The following MTO1 variants were observed in gnomAD, a reference collection of about 807,000 sequenced individuals.
MTO1 encodes 5-taurinomethyluridine-[tRNA] synthase subunit MTO1, mitochondrial.
A neutral mutation model predicts 71.6 loss-of-function variants in MTO1; 46 were observed. That is an observed-to-expected ratio of 0.64 (90% CI 0.51 to 0.82). The LOEUF (loss-of-function observed/expected upper bound fraction) is 0.82. Ranked by LOEUF, MTO1 falls within the 40% of genes least tolerant of loss-of-function variation. The pLI is 0.00. For missense variants in MTO1, 773 were observed against 867.5 expected, an observed-to-expected ratio of 0.89 and a Z score of 1.37; for synonymous variants, 297 against 312.1, an observed-to-expected ratio of 0.95 and a Z score of 0.51.
rs144540811 is a variant in MTO1 at position 73,492,254 on chromosome 6, A to G, written c.1658A>G (p.Tyr553Cys). ...TGCAGAGCTCTCGATGTTCTGAAGT[A>G]TGAGGAAGTTGACATGGATTCATTA... ...LPVRALDVLK[Y>C]EEVDMDSLAK... The change falls in exon 10 of 12, where the codon TAT (tyrosine) becomes TGT (cysteine). Residue 553 changes from tyrosine (Y) to cysteine (C), a missense_variant. Coordinates refer to ENST00000498286, the MANE Select transcript of MTO1 (RefSeq NM_012123.4). 2.6e-5 allele frequency: 42 copies of G among 1,612,884 alleles called. No individual in the cohort carries two copies. Among genetic ancestry groups the G allele is most frequent in the Non-Finnish European group, 3.5e-5 (41 of 1,179,004 alleles).
chr6:73,466,191 T>C lies in MTO1; in HGVS notation c.218-18T>C, dbSNP rs749204669. Reference sequence around the variant, plus strand: ...AAGGTGCTCATATATTTATTTTGTTTATGTCTATTATCTTTAGGTCAGATG... The same window carrying C: ...AAGGTGCTCATATATTTATTTTGTTCATGTCTATTATCTTTAGGTCAGATG... On this transcript the variant is annotated intron_variant, in intron 1 of 11. Transcript: ENST00000498286. The C allele has an allele frequency of 1.9e-6, 3 of 1,592,628 alleles. No individual in the cohort carries two copies. The highest frequency in any genetic ancestry group is 1.7e-6 in the Non-Finnish European group (2 of 1,160,530).
chr6:73,498,221 GA>G (rs1011872375), intron 11 of MTO1, among the ~76,000 whole-genome samples: 1 of 151,472 alleles, frequency 6.6e-6, no homozygotes, highest in Non-Finnish European at 1.5e-5. Flanking sequence ...AAAAAAAAAA[GA>G]AACTTGACCT....
In MTO1 at chr6:73,500,782, C is replaced by G. The variant is rs775556192; in HGVS notation, c.*47C>G. ...TTAAAGAGCATATAAATAATTTGAT[C>G]AATACAACAGTATAGATAAAAGAAT... On this transcript the variant is annotated 3_prime_UTR_variant, in exon 12 of 12. Transcript: ENST00000498286. 1 of 1,445,240 alleles carries G rather than the reference C, an allele frequency of 6.9e-7. No individual in the cohort carries two copies. Among genetic ancestry groups the G allele is most frequent in the African/African-American group, 1.4e-5 (1 of 69,986 alleles). 89.5% of individuals were successfully genotyped at this position (1,445,240 alleles called of 1,614,324 possible). A position where few individuals can be genotyped will look rare whatever the true frequency, so the allele number is the denominator to read the frequency against.
chr6:73,487,562 T>G (rs1487078069), intron 9 of MTO1: 1 of 151,112 alleles, frequency 6.6e-6, no homozygotes, highest in Non-Finnish European at 1.5e-5. Flanking sequence ...GTGGGTTTTT[T>G]TTTTTTTTTT....
chr6:73,468,473 CCTT>C (rs1771061950), intron 3 of MTO1, among the ~76,000 whole-genome samples: 1 of 151,986 alleles, frequency 6.6e-6, no homozygotes, highest in South Asian at 2.1e-4. Flanking sequence ...TTCCCTCTCT[CCTT>C]CTGATATAAT....
intron 3 of MTO1, among the ~76,000 whole-genome samples, chr6:73,466,955 T>TA (rs1390091748): frequency 4.0e-4 from 61 of 152,302 alleles, no homozygotes; most frequent in African/African-American, 1.3e-3. Context: ...CTTATATATA[T>TA]TTTTATGTAA....
In MTO1 at chr6:73,501,547, G is replaced by GA. The variant is rs1197629620; in HGVS notation, c.*818dup. On this transcript the variant is annotated 3_prime_UTR_variant, in exon 12 of 12. Transcript: ENST00000498286. Reference sequence around the variant, plus strand: ...TCCCTGTTTTTAAGTCAGAATGACAGAAAAAACAGAATAGTGGTAGTACCC... The same window carrying GA: ...TCCCTGTTTTTAAGTCAGAATGACAGAAAAAAACAGAATAGTGGTAGTACCC... 9 of 152,284 alleles carry GA rather than the reference G, an allele frequency of 5.9e-5. No individual in the cohort carries two copies. The highest frequency in any genetic ancestry group is 9.6e-5 in the African/African-American group (4 of 41,546). 9.4% of individuals were successfully genotyped at this position (152,284 alleles called of 1,614,324 possible). A position where few individuals can be genotyped will look rare whatever the true frequency, so the allele number is the denominator to read the frequency against.
In MTO1 at chr6:73,497,738, A is replaced by G. The variant is rs1041946649; in HGVS notation, c.1759A>G (p.Thr587Ala). ...ATGATTCTGATTTTGTTGACCAGCC[A>G]CTTATGAATCAGTGTTGTTCCATCA... Reference protein sequence around the residue: ...ELAERLKIEATYESVLFHQLQ... With the variant: ...ELAERLKIEAAYESVLFHQLQ... Residue 587 changes from threonine (T) to alanine (A), a missense_variant and splice_region_variant, in exon 11 of 12, where the codon ACT becomes GCT. By Grantham distance (58) the Thr-to-Ala change is moderately conservative (BLOSUM62 0). Transcript: ENST00000498286. 3.1e-6 allele frequency: 5 copies of G among 1,610,088 alleles called. No individual in the cohort carries two copies. Among genetic ancestry groups the G allele is most frequent in the Non-Finnish European group, 4.2e-6 (5 of 1,176,924 alleles).
rs564480560 is a variant in MTO1 at position 73,508,054 on chromosome 6, C to T, written c.*7319C>T. 1 of 151,958 alleles carries T rather than the reference C, an allele frequency of 6.6e-6. No homozygotes were observed. Among genetic ancestry groups the T allele is most frequent in the South Asian group, 2.1e-4 (1 of 4,818 alleles). 9.4% of individuals were successfully genotyped at this position (151,958 alleles called of 1,614,324 possible). On this transcript the variant is annotated 3_prime_UTR_variant, in exon 12 of 12. Transcript: ENST00000498286. Reference sequence around the variant, plus strand: ...GTCTGTTTCTCTTAACCTTCAGTTCCCATTCCAATCCTTTGTAACCTATTT... The same window carrying T: ...GTCTGTTTCTCTTAACCTTCAGTTCTCATTCCAATCCTTTGTAACCTATTT...
At chr6:73,486,756 C>T (rs2150039667) in intron 9 of MTO1, 1 of 237,686 alleles carries the variant, frequency 4.2e-6, no homozygotes, top group Non-Finnish European at 8.7e-6. Flanking sequence ...AGAAAAGACT[C>T]ATACAGTATG....
chr6:73,489,506 A>T (rs748649027), intron 9 of MTO1, among the ~76,000 whole-genome samples: 3 of 140,758 alleles, frequency 2.1e-5, no homozygotes, highest in African/African-American at 8.0e-5. Flanking sequence ...TCATTGTTCA[A>T]TTCTGACCTA....
chr6:73,469,653 A>T (rs1771094091), intron 3 of MTO1, among the ~76,000 whole-genome samples: 1 of 151,092 alleles, frequency 6.6e-6, no homozygotes, highest in Non-Finnish European at 1.5e-5. Context: ...TAAAACACTT[A>T]ACTGGAAGAT....
chr6:73,497,848 T>G lies in MTO1; in HGVS notation c.1869T>G (p.Ser623=), dbSNP rs754588347. 48 of 1,613,696 alleles carry G rather than the reference T, an allele frequency of 3.0e-5. No individual in the cohort carries two copies. Among genetic ancestry groups the G allele is most frequent in the Non-Finnish European group, 4.0e-5 (47 of 1,179,794 alleles). Residue 623 remains serine, a synonymous_variant, in exon 11 of 12, where the codon TCT becomes TCG. Coordinates refer to ENST00000498286, the MANE Select transcript of MTO1 (RefSeq NM_012123.4). ...ATTATTTGACTATCAGGGATGTGTC[T>G]TTGTCCCATGAAGTTCGAGAGAAAC... The part of the protein sequence containing the change: ...DLDYLTIRDV[S]LSHEVREKLH...
chr6:73,469,078 C>T (rs545297912), intron 3 of MTO1, among the ~76,000 whole-genome samples: 121 of 152,160 alleles, frequency 8.0e-4, no homozygotes, highest in Non-Finnish European at 1.3e-3. Context: ...GCACTATAAT[C>T]GCTCACTGTA....
intron 4 of MTO1, among the ~76,000 whole-genome samples, chr6:73,475,159 C>T (rs1771274031): frequency 6.6e-6 from 1 of 151,908 alleles, no homozygotes; most frequent in South Asian, 2.1e-4. Flanking sequence ...GACAGGGTCT[C>T]GCCATATTGC....
rs1772188443 is a variant in MTO1, at chr6:73,502,556, A to T, written c.*1821A>T. On this transcript the variant is annotated 3_prime_UTR_variant, in exon 12 of 12. Coordinates refer to ENST00000498286, the MANE Select transcript of MTO1 (RefSeq NM_012123.4). ...TCTGATTAAATACAAGAGTAAAAAA[A>T]GTGAATGGAGTGCCTTTTGAATAGA... 6.6e-6 allele frequency: 1 copy of T among 152,206 alleles called. No homozygotes were observed. The highest frequency in any genetic ancestry group is 2.4e-5 in the African/African-American group (1 of 41,438). The allele number at this position is 152,206 out of a possible 1,614,324, so 9.4% of individuals were successfully genotyped here.
intron 3 of MTO1, among the ~76,000 whole-genome samples, chr6:73,470,130 G>C (rs1771108067): frequency 6.6e-6 from 1 of 152,134 alleles, no homozygotes; most frequent in Non-Finnish European, 1.5e-5. Context: ...AGCGTTCTGG[G>C]AACAAAATGG....
In MTO1 at chr6:73,500,555, T is replaced by C. The variant is rs1554151114; in HGVS notation, c.1918-19T>C. ...CATAGCATAGCTCACTTAGTTTCTC[T>C]TGTGGTATTGATTTTTAGATCGGGG... On this transcript the variant is annotated intron_variant, in intron 11 of 11. Coordinates refer to ENST00000498286, the MANE Select transcript of MTO1 (RefSeq NM_012123.4). 1 of 1,608,446 alleles carries C rather than the reference T, an allele frequency of 6.2e-7. No homozygotes were observed.
At chr6:73,488,834 C>T (rs544053765) in intron 9 of MTO1, among the ~76,000 whole-genome samples, 17 of 152,228 alleles carry the variant, frequency 1.1e-4, no homozygotes, top group African/African-American at 3.9e-4. Flanking sequence ...ACGAGAATTG[C>T]TTGAACCCGG....
Sources: allele counts gnomAD v4.1 joint callset (sites outside exome capture counted in the v4.1 genomes callset), GRCh38; gene constraint gnomAD v4.1.1; transcripts MANE v1.5; gene names NCBI Gene and HGNC (gene_info 2026-07-23, HGNC 2026-07-21).